Variants in LRRC7 observed in about 807,000 individuals in gnomAD.
LRRC7 encodes the protein leucine-rich repeat-containing protein 7.
LRRC7 carries 23 observed loss-of-function variants against 175.7 expected under a neutral mutation model. The ratio of observed to expected loss-of-function variants is 0.13; its 90% CI spans 0.09 to 0.19. The LOEUF (loss-of-function observed/expected upper bound fraction) is 0.19. Among genes scored for constraint, LRRC7 ranks in the 10% least tolerant of loss-of-function variants. The probability of loss-of-function intolerance (pLI) is 1.00; values close to 1 mark genes in which losing one functional copy is unlikely to be tolerated. For synonymous variants in LRRC7, 685 were observed against 680.9 expected (o/e 1.01, Z -0.09); for missense variants, 1,354 against 1,904.7 (o/e 0.71, Z 5.38).
chr1:70,002,764 TG>T (rs936489374), intron 11 of LRRC7, among the ~76,000 whole-genome samples: 1 of 152,150 alleles, frequency 6.6e-6, no homozygotes, highest in Non-Finnish European at 1.5e-5. Flanking sequence ...GAAATTGTTG[TG>T]GCACTTAGAA....
Position 69,827,089 on chromosome 1 carries a change from A to T in LRRC7, c.500+1263A>T, listed in dbSNP as rs1169804962. ...AAGTAAATAGGGAGGGAAAAAAAAG[A>T]GAAAATAAAACTCTAAAAAGCTTTT... is the stretch of plus-strand genomic sequence containing the variant. On this transcript the variant is annotated intron_variant, in intron 5 of 26. Transcript: ENST00000651989. Among the ~76,000 whole-genome samples the T allele has an allele frequency of 4.9e-4, 75 of 152,208 alleles. 2 individuals carry two copies. Among genetic ancestry groups the T allele is most frequent in the Admixed American group, 4.9e-3 (75 of 15,268 alleles).
intron 3 of LRRC7, among the ~76,000 whole-genome samples, chr1:69,763,505 A>G (rs113854536): frequency 1.1e-4 from 16 of 152,192 alleles, no homozygotes; most frequent in Non-Finnish European, 2.1e-4. Context: ...ATTAGCTACT[A>G]TAAGAAAAGT....
intron 1 of LRRC7, among the ~76,000 whole-genome samples, chr1:69,581,538 C>G (rs1445403116): frequency 6.6e-6 from 1 of 152,090 alleles, no homozygotes; most frequent in Admixed American, 6.6e-5. Context: ...GGAGAGGGAA[C>G]TAATTTATCC....
chr1:70,021,249 T>A (rs1657464220), intron 16 of LRRC7, 120 bp downstream of exon 16: 1 of 897,326 alleles, frequency 1.1e-6, no homozygotes, highest in East Asian at 2.8e-5. Flanking sequence ...TGGCGGTACC[T>A]TTCATTACAG....
intron 4 of LRRC7, among the ~76,000 whole-genome samples, chr1:69,801,722 T>C (rs1676517637): frequency 6.6e-6 from 1 of 151,572 alleles, no homozygotes; most frequent in African/African-American, 2.4e-5. Context: ...CTTTTAGTTC[T>C]GCTCTGATTT....
At chr1:69,612,102 A>G (rs912992167) in intron 1 of LRRC7, among the ~76,000 whole-genome samples, 2 of 152,080 alleles carry the variant, frequency 1.3e-5, no homozygotes, top group Admixed American at 1.3e-4. Context: ...ATGTCTTAGA[A>G]TAATTCCTAT....
At chr1:69,981,094 G>A (rs572186882) in intron 9 of LRRC7, among the ~76,000 whole-genome samples, 2 of 152,038 alleles carry the variant, frequency 1.3e-5, no homozygotes, top group Non-Finnish European at 2.9e-5. Context: ...CCCATAAAAC[G>A]CTGCCCCTTG....
At chr1:69,781,375 T>C (rs1349622483) in intron 3 of LRRC7, among the ~76,000 whole-genome samples, 1 of 151,856 alleles carries the variant, frequency 6.6e-6, no homozygotes. Flanking sequence ...GAGGCGATAG[T>C]GCGCTAGTAT....
chr1:70,012,834 A>G (rs1313427733), intron 12 of LRRC7, 140 bp from the exon 13 acceptor site: 1 of 343,270 alleles, frequency 2.9e-6, no homozygotes, highest in Non-Finnish European at 5.3e-6. Context: ...TTAAAGAGCT[A>G]CATTATAAAA....
chr1:69,828,988 T>G (rs1160514343), intron 5 of LRRC7, among the ~76,000 whole-genome samples: 1 of 151,948 alleles, frequency 6.6e-6, no homozygotes, highest in African/African-American at 2.4e-5. Context: ...ATTCCAATAG[T>G]AAAAATTAGC....
At position 70,098,975 on chromosome 1, in the gene LRRC7, G is replaced by A. The variant is rs1354257100; in HGVS notation, c.4546-8777G>A. ...GATCCTCCCTAACTCATTTTATGAG[G>A]CCAGCATCATTCTGATACCAAAGCC... On this transcript the variant is annotated intron_variant, in intron 25 of 26. Coordinates refer to ENST00000651989, the MANE Select transcript of LRRC7 (RefSeq NM_001370785.2). 8.5e-5 allele frequency among the ~76,000 whole-genome samples: 13 copies of A among 152,204 alleles called. No individual in the cohort carries two copies. In the East Asian group the frequency reaches 2.3e-3, roughly 27 times the overall value.
At position 70,127,984 on chromosome 1, in the gene LRRC7, C is replaced by T. The variant is rs1285759765; in HGVS notation, c.*6097C>T. On this transcript the variant is annotated 3_prime_UTR_variant, in exon 27 of 27. Transcript: ENST00000651989. ...TTTTCTTTCTTTTTTTTTCTTGAGA[C>T]AGAGTCTTGCTGTGTCACCCAGGCT... is the stretch of plus-strand genomic sequence containing the variant. Among the ~76,000 whole-genome samples the T allele has an allele frequency of 1.3e-5, 2 of 151,650 alleles. No individual in the cohort carries two copies. Among genetic ancestry groups the T allele is most frequent in the African/African-American group, 2.4e-5 (1 of 41,262 alleles).
At chr1:69,578,216 GA>G (rs1269373330) in intron 1 of LRRC7, among the ~76,000 whole-genome samples, 1 of 151,274 alleles carries the variant, frequency 6.6e-6, no homozygotes, top group African/African-American at 2.4e-5. Context: ...GGCCATCAGA[GA>G]AATGCAAATC....
intron 25 of LRRC7, among the ~76,000 whole-genome samples, chr1:70,105,713 T>C (rs2220958): frequency 0.13 from 19,593 of 152,082 alleles, 1,760 homozygotes; most frequent in African/African-American, 0.25. Flanking sequence ...ATTTTTGTTA[T>C]TATAAATAAT....
intron 7 of LRRC7, among the ~76,000 whole-genome samples, chr1:69,916,798 T>C (rs1315933794): frequency 6.6e-6 from 1 of 152,116 alleles, no homozygotes. Context: ...TCACGGACTT[T>C]AAATCTAGCA....
Position 70,126,058 on chromosome 1 carries a change from G to C in LRRC7, c.*4171G>C, listed in dbSNP as rs1392379466. On this transcript the variant is annotated 3_prime_UTR_variant, in exon 27 of 27. Transcript: ENST00000651989. ...TTTCCGTTTAGTATGTTTACTAACT[G>C]TTAAGGACAGTCTTAACGCTGTCCC... 6.6e-6 allele frequency among the ~76,000 whole-genome samples: 1 copy of C among 151,998 alleles called. No individual in the cohort carries two copies. Among genetic ancestry groups the C allele is most frequent in the Non-Finnish European group, 1.5e-5 (1 of 68,022 alleles).
intron 12 of LRRC7, among the ~76,000 whole-genome samples, chr1:70,012,400 G>T (rs543804536): frequency 6.6e-6 from 1 of 151,580 alleles, no homozygotes; most frequent in East Asian, 1.9e-4. Flanking sequence ...TATCAAAAAA[G>T]TATAAAGTAC....
chr1:69,659,713 T>G (rs944158142), intron 1 of LRRC7, among the ~76,000 whole-genome samples: 1 of 150,194 alleles, frequency 6.7e-6, no homozygotes, highest in Non-Finnish European at 1.5e-5. Context: ...TTGACACACT[T>G]TAAAGAAAAT....
chr1:69,656,839 A>T (rs1450345905), intron 1 of LRRC7, among the ~76,000 whole-genome samples: 13 of 151,906 alleles, frequency 8.6e-5, no homozygotes, highest in Non-Finnish European at 1.5e-5. Context: ...TAGGTTAACC[A>T]CTTGGGTATA....
Sources: gnomAD v4.1 joint callset for allele counts (sites outside exome capture counted in the v4.1 genomes callset) on GRCh38, gnomAD v4.1.1 for gene constraint, MANE v1.5 for transcripts, NCBI Gene and HGNC (gene_info 2026-07-23, HGNC 2026-07-21) for gene names.